The following RUNX1T1 variants were observed in gnomAD, a reference collection of about 807,000 sequenced individuals.
RUNX1T1 encodes the protein protein CBFA2T1.
In RUNX1T1, 4 loss-of-function variants were observed where a neutral mutation model predicts 62.8. That is an observed-to-expected ratio of 0.06 (90% CI 0.03 to 0.15). The LOEUF (loss-of-function observed/expected upper bound fraction) is 0.15. Among genes scored for constraint, RUNX1T1 ranks in the 10% least tolerant of loss-of-function variants. RUNX1T1 has a pLI of 1.00. For synonymous variants in RUNX1T1, 291 were observed against 286.0 expected (o/e 1.02, Z -0.18); for missense variants, 508 against 754.3 (o/e 0.67, Z 3.82).
intron 1 of RUNX1T1, chr8:92,095,421 A>G: frequency 2.0e-6 from 3 of 1,535,592 alleles, no homozygotes; most frequent in Non-Finnish European, 2.6e-6. Flanking sequence ...TTCATTAAAC[A>G]CACATTGGAG....
chr8:92,060,541 ATATATATATATATGTG>A (rs1831771034), intron 1 of RUNX1T1, among the ~76,000 whole-genome samples: 1 of 109,378 alleles, frequency 9.1e-6, no homozygotes, highest in African/African-American at 3.4e-5. Flanking sequence ...ATATATATAT[ATATATATATATATGTG>A]TGTGTGTGTG....
chr8:92,033,148 A>G (rs1399692114), intron 1 of RUNX1T1, among the ~76,000 whole-genome samples: 1 of 152,208 alleles, frequency 6.6e-6, no homozygotes, highest in East Asian at 1.9e-4. Context: ...CACATAAATA[A>G]TATCAAGTAT....
intron 8 of RUNX1T1, among the ~76,000 whole-genome samples, chr8:91,985,612 CG>C (rs928966839): frequency 1.3e-5 from 2 of 151,762 alleles, no homozygotes; most frequent in Admixed American, 1.3e-4. Flanking sequence ...TTCCTGGAGG[CG>C]GGGGGTTGAG....
In RUNX1T1 at chr8:92,062,676, G is replaced by C. The variant is rs746902693; in HGVS notation, c.-124C>G. 1.9e-6 allele frequency: 3 copies of C among 1,590,620 alleles called. No individual in the cohort carries two copies. In the African/African-American group the frequency reaches 4.0e-5, roughly 21 times the overall value. ...GAGGGCCATCAGAGGGGCTGGGGCG[G>C]CATCGCCGGAGGCAGGGTGCTGGGC... On this transcript the variant is annotated 5_prime_UTR_variant, in exon 1 of 11. Transcript: ENST00000396218.
chr8:91,967,784 G>C (rs779860418), intron 10 of RUNX1T1, among the ~76,000 whole-genome samples: 5 of 152,140 alleles, frequency 3.3e-5, no homozygotes, highest in Non-Finnish European at 7.3e-5. Context: ...CATATACGTT[G>C]TTTTAGATTT....
chr8:91,986,774 T>C, intron 7 of RUNX1T1, 113 bp downstream of exon 8: 1 of 724,580 alleles, frequency 1.4e-6, no homozygotes. Flanking sequence ...TTTTCAAGGA[T>C]AGCAGGAAAA....
intron 5 of RUNX1T1, among the ~76,000 whole-genome samples, chr8:92,002,495 G>A (rs537287341): frequency 1.3e-5 from 2 of 152,086 alleles, no homozygotes; most frequent in African/African-American, 2.4e-5. Context: ...TGAAACACAT[G>A]ATGACTGTTT....
chr8:92,044,059 A>T (rs1327350949), intron 1 of RUNX1T1, among the ~76,000 whole-genome samples: 2 of 151,640 alleles, frequency 1.3e-5, no homozygotes, highest in East Asian at 3.9e-4. Flanking sequence ...TATTTGGTTT[A>T]TCTTACTATC....
chr8:92,039,512 T>C (rs1483294489), intron 1 of RUNX1T1, among the ~76,000 whole-genome samples: 1 of 152,210 alleles, frequency 6.6e-6, no homozygotes, highest in Non-Finnish European at 1.5e-5. Context: ...TTTATACCAC[T>C]TGTTTTCTTC....
chr8:92,095,313 C>G, intron 1 of RUNX1T1: 1 of 1,526,914 alleles, frequency 6.5e-7, no homozygotes, highest in Middle Eastern at 1.7e-4. Context: ...TCCTTCCTCC[C>G]TGCTCGCCTC....
chr8:91,999,375 C>G (rs1368612328), intron 5 of RUNX1T1, among the ~76,000 whole-genome samples: 1 of 152,144 alleles, frequency 6.6e-6, no homozygotes, highest in Non-Finnish European at 1.5e-5. Context: ...CTCTAAGAGC[C>G]TCAGTGTTTC....
chr8:91,976,751 C>T (rs1563648249), intron 8 of RUNX1T1, among the ~76,000 whole-genome samples: 1 of 152,182 alleles, frequency 6.6e-6, no homozygotes, highest in Non-Finnish European at 1.5e-5. Context: ...TTTTATAGTT[C>T]TTACATATGC....
intron 1 of RUNX1T1, among the ~76,000 whole-genome samples, chr8:92,047,604 T>A (rs1563841470): frequency 6.6e-6 from 1 of 152,172 alleles, no homozygotes; most frequent in Non-Finnish European, 1.5e-5. Flanking sequence ...AAGTATAGCA[T>A]GTATTAAGAG....
At chr8:92,044,436 G>A (rs1412711615) in intron 1 of RUNX1T1, among the ~76,000 whole-genome samples, 3 of 152,176 alleles carry the variant, frequency 2.0e-5, no homozygotes, top group Admixed American at 6.5e-5. Context: ...GGTAAAAAAT[G>A]AGTGAAGAAG....
At chr8:91,956,317 A>G (rs902788146), downstream of RUNX1T1, 7 of 231,046 alleles carry the variant, frequency 3.0e-5, no homozygotes, top group Admixed American at 4.0e-4. Flanking sequence ...CGACTTTTGC[A>G]AAGTTCTGAC....
chr8:92,034,210 A>C (rs1826823933), intron 1 of RUNX1T1, among the ~76,000 whole-genome samples: 1 of 152,176 alleles, frequency 6.6e-6, no homozygotes, highest in Admixed American at 6.6e-5. Flanking sequence ...TCACTGAATA[A>C]AAGAATGAAT....
intron 1 of RUNX1T1, among the ~76,000 whole-genome samples, chr8:92,088,424 TC>T (rs1187165538): frequency 6.6e-6 from 1 of 152,228 alleles, no homozygotes; most frequent in Non-Finnish European, 1.5e-5. Context: ...CTAATCAACT[TC>T]CCAAGACTGC....
At chr8:92,044,652 A>G (rs928106390) in intron 1 of RUNX1T1, among the ~76,000 whole-genome samples, 7 of 152,240 alleles carry the variant, frequency 4.6e-5, no homozygotes, top group African/African-American at 1.7e-4. Flanking sequence ...TATTACTGTC[A>G]TTCTCATCAC....
At chr8:92,002,540 G>A (rs1586928276) in intron 5 of RUNX1T1, among the ~76,000 whole-genome samples, 1 of 152,226 alleles carries the variant, frequency 6.6e-6, no homozygotes, top group East Asian at 1.9e-4. Flanking sequence ...CAGAATTTAA[G>A]CTCCCAAAGT....
Sources: allele counts gnomAD v4.1 joint callset (sites outside exome capture counted in the v4.1 genomes callset), GRCh38; gene constraint gnomAD v4.1.1; transcripts MANE v1.5; gene names NCBI Gene and HGNC (gene_info 2026-07-23, HGNC 2026-07-21).